Variants in RUNX2 observed in about 807,000 individuals in gnomAD.
RUNX2 encodes runt-related transcription factor 2.
A neutral mutation model predicts 51.7 loss-of-function variants in RUNX2; 10 were observed. The observed-to-expected ratio is 0.19, with a 90% CI of 0.12 to 0.33. RUNX2 has a LOEUF of 0.33. Ranked by LOEUF, RUNX2 falls within the 10% of genes least tolerant of loss-of-function variation. The probability of loss-of-function intolerance (pLI) is 1.00; values close to 1 mark genes in which losing one functional copy is unlikely to be tolerated. For synonymous variants in RUNX2, 276 were observed against 273.6 expected, an observed-to-expected ratio of 1.01 and a Z score of -0.09; for missense variants, 562 against 691.3, an observed-to-expected ratio of 0.81 and a Z score of 2.10.
At position 45,399,834 on chromosome 6, in the gene RUNX2, G is replaced by A. The variant is rs192339794; in HGVS notation, c.59-22759G>A. 3.8e-3 allele frequency among the ~76,000 whole-genome samples: 565 copies of A among 148,268 alleles called. 3 individuals are homozygous for A. The highest frequency in any genetic ancestry group is 5.4e-3 in the Non-Finnish European group (359 of 66,938). On this transcript the variant is annotated intron_variant, in intron 2 of 8. Transcript: ENST00000647337. ...GGGAGGGAAGTAAGGAAGGAAGGAA[G>A]GAAGGAAGGAAAGAAGGAGGGAGGG...
At chr6:45,404,643 C>T (rs1204187941) in intron 2 of RUNX2, among the ~76,000 whole-genome samples, 2 of 152,206 alleles carry the variant, frequency 1.3e-5, no homozygotes, top group African/African-American at 4.8e-5. Context: ...GCATATTAGA[C>T]ATCAACAGAC....
In RUNX2 at chr6:45,403,534, G is replaced by A. The variant is rs1455301577; in HGVS notation, c.59-19059G>A. On this transcript the variant is annotated intron_variant, in intron 2 of 8. Coordinates refer to ENST00000647337, the MANE Select transcript of RUNX2 (RefSeq NM_001024630.4). ...AGGCGTGAGCCACTGCGCCTGGCCT[G>A]ACTTTCCTTTTAATTAACATAGATG... Among the ~76,000 whole-genome samples, 6 of 151,908 alleles carry A rather than the reference G, an allele frequency of 3.9e-5. No homozygotes were observed. In the East Asian group the frequency reaches 1.2e-3, roughly 29 times the overall value.
At chr6:45,420,433 A>T (rs1798155294) in intron 2 of RUNX2, among the ~76,000 whole-genome samples, 1 of 152,228 alleles carries the variant, frequency 6.6e-6, no homozygotes, top group Non-Finnish European at 1.5e-5. Flanking sequence ...AGGCGTTTGC[A>T]CTGAGCAATA....
intron 7 of RUNX2, among the ~76,000 whole-genome samples, chr6:45,518,096 T>C (rs981621827): frequency 5.9e-5 from 9 of 152,206 alleles, no homozygotes; most frequent in African/African-American, 1.9e-4. Flanking sequence ...AATAAAACAC[T>C]AGAGCATCTA....
In RUNX2 at chr6:45,422,548, G is replaced by A. The variant is rs569884387; in HGVS notation, c.59-45G>A. ...ATTTCCACCCTCCTCCCCCTCCCCC[G>A]GCCACTTCGCTAACTTGTGGCTGTT... On this transcript the variant is annotated intron_variant, in intron 2 of 8. Transcript: ENST00000647337. The A allele has an allele frequency of 5.1e-4, 515 of 1,009,444 alleles. 1 individual carries two copies. In the African/African-American group the frequency reaches 0.013, roughly 25 times the overall value. 62.5% of individuals were successfully genotyped at this position (1,009,444 alleles called of 1,614,324 possible). A position where few individuals can be genotyped will look rare whatever the true frequency, so the allele number is the denominator to read the frequency against.
chr6:45,343,012 T>C (rs1166658793), intron 2 of RUNX2, among the ~76,000 whole-genome samples: 2 of 152,138 alleles, frequency 1.3e-5, no homozygotes, highest in Admixed American at 1.3e-4. Context: ...GTGTCTCAAT[T>C]TCCTCATCTG....
At chr6:45,375,131 C>G (rs139852621) in intron 2 of RUNX2, among the ~76,000 whole-genome samples, 3 of 152,308 alleles carry the variant, frequency 2.0e-5, no homozygotes, top group Non-Finnish European at 4.4e-5. Context: ...CGCTTGAACC[C>G]AGGAGGGGGA....
intron 5 of RUNX2, among the ~76,000 whole-genome samples, chr6:45,485,691 G>GTATATATATA (rs1368496560): frequency 4.9e-5 from 4 of 82,160 alleles, no homozygotes; most frequent in African/African-American, 1.4e-4. Flanking sequence ...GTGTGTGTGT[G>GTATATATATA]TGTGTGTATA....
At chr6:45,443,535 A>G (rs910223268) in intron 5 of RUNX2, among the ~76,000 whole-genome samples, 13 of 152,218 alleles carry the variant, frequency 8.5e-5, no homozygotes, top group Non-Finnish European at 1.8e-4. Flanking sequence ...CTTAGCTGGC[A>G]GTTGTCATTG....
intron 5 of RUNX2, among the ~76,000 whole-genome samples, chr6:45,441,220 C>T (rs1287551201): frequency 1.3e-5 from 2 of 152,136 alleles, no homozygotes; most frequent in Admixed American, 1.3e-4. Flanking sequence ...CTATCGGTTC[C>T]TGTTGTTGGA....
chr6:45,437,802 T>C (rs1384894170), intron 4 of RUNX2, 145 bp from the exon 5 acceptor site: 5 of 702,558 alleles, frequency 7.1e-6, no homozygotes, highest in Non-Finnish European at 7.8e-6. Context: ...GGGTTTCCAA[T>C]TTAGAAGAAG....
intron 5 of RUNX2, among the ~76,000 whole-genome samples, chr6:45,457,690 G>T (rs1799353898): frequency 6.6e-6 from 1 of 152,172 alleles, no homozygotes; most frequent in Non-Finnish European, 1.5e-5. Context: ...CCTTTCTAGT[G>T]TGACTTTTGA....
intron 2 of RUNX2, among the ~76,000 whole-genome samples, chr6:45,391,368 G>C (rs1797466501): frequency 6.6e-6 from 1 of 152,178 alleles, no homozygotes; most frequent in African/African-American, 2.4e-5. Flanking sequence ...CCTGTGATGA[G>C]CCTGCACCTG....
chr6:45,429,962 T>C (rs572693635), intron 3 of RUNX2, among the ~76,000 whole-genome samples: 2 of 151,672 alleles, frequency 1.3e-5, no homozygotes, highest in Non-Finnish European at 2.9e-5. Flanking sequence ...GGTGTGGTGG[T>C]GCACACCTGT....
intron 2 of RUNX2, among the ~76,000 whole-genome samples, chr6:45,358,829 T>TA (rs1793720796): frequency 6.6e-6 from 1 of 151,972 alleles, no homozygotes; most frequent in African/African-American, 2.4e-5. Context: ...ACTCTAAAAA[T>TA]AAAAAAAGAC....
In RUNX2 at chr6:45,394,960, G is replaced by T. The variant is rs994775498; in HGVS notation, c.59-27633G>T. On this transcript the variant is annotated intron_variant, in intron 2 of 8. Transcript: ENST00000647337. ...GTAAAACTCAGGAATGGGTGTGTGT[G>T]GGGGGGAGGCAAGACTAGGGCCCCA... 7.9e-5 allele frequency among the ~76,000 whole-genome samples: 12 copies of T among 152,016 alleles called. No homozygotes were observed. In the South Asian group the frequency reaches 8.3e-4, roughly 11 times the overall value.
chr6:45,538,057 T>G (rs1199903908), intron 7 of RUNX2, among the ~76,000 whole-genome samples: 1 of 152,146 alleles, frequency 6.6e-6, no homozygotes. Context: ...TAAAAACCCT[T>G]CTCCATTTGT....
intron 7 of RUNX2, among the ~76,000 whole-genome samples, chr6:45,533,229 G>C (rs747892760): frequency 1.3e-5 from 2 of 152,090 alleles, no homozygotes; most frequent in Non-Finnish European, 2.9e-5. Flanking sequence ...ATTTGCTCTA[G>C]TATTTGTTTA....
At chr6:45,362,150 G>A (rs967702171) in intron 2 of RUNX2, among the ~76,000 whole-genome samples, 11 of 152,260 alleles carry the variant, frequency 7.2e-5, no homozygotes, top group Middle Eastern at 3.4e-3. Context: ...GTTCTTCAAG[G>A]CTCTAATACT....
Sources: allele counts gnomAD v4.1 joint callset (sites outside exome capture counted in the v4.1 genomes callset), GRCh38; gene constraint gnomAD v4.1.1; transcripts MANE v1.5; gene names NCBI Gene and HGNC (gene_info 2026-07-23, HGNC 2026-07-21).